Variants in CYTH3 observed in about 807,000 individuals in gnomAD.
The protein encoded by CYTH3 is cytohesin 3.
In CYTH3, 23 loss-of-function variants were observed where a neutral mutation model predicts 55.1. That is an observed-to-expected ratio of 0.42 (90% CI 0.30 to 0.59). The LOEUF is 0.59. CYTH3 is among the 20% of genes least tolerant of loss of function. The pLI is 0.20. For synonymous variants in CYTH3, 249 were observed against 194.9 expected (o/e 1.28, Z -2.31); for missense variants, 413 against 524.8 (o/e 0.79, Z 2.08).
Position 6,170,763 on chromosome 7 carries a change from G to C in CYTH3, c.711+67C>G. ...GCTTGGGAGGCGTGTCTAGAGCCGC[G>C]GGCGCTGCGGCCGCTCACAGCGAAG... On this transcript the variant is annotated intron_variant, in intron 8 of 12. Coordinates refer to ENST00000350796, the MANE Select transcript of CYTH3 (RefSeq NM_004227.4). The surrounding 1 kb of genome is among the most constrained non-coding windows in gnomAD (Gnocchi z 7.8). 6.4e-7 allele frequency: 1 copy of C among 1,570,922 alleles called. No homozygotes were observed.
chr7:6,211,544 T>C (rs948301460), intron 1 of CYTH3, among the ~76,000 whole-genome samples: 2 of 152,206 alleles, frequency 1.3e-5, no homozygotes, highest in Non-Finnish European at 2.9e-5. Context: ...CCTAGACTCT[T>C]AGGAGATTGA....
intron 1 of CYTH3, among the ~76,000 whole-genome samples, chr7:6,259,832 A>ATAT (rs59663601): frequency 2.8e-4 from 5 of 17,562 alleles, no homozygotes; most frequent in Non-Finnish European, 3.3e-4. Flanking sequence ...ATATATATAT[A>ATAT]TTTTTTTTTT....
rs762836791 is a variant in CYTH3 at position 6,165,530 on chromosome 7, G to C, written c.972+15C>G. 6.2e-7 allele frequency: 1 copy of C among 1,613,344 alleles called. No homozygotes were observed. Among genetic ancestry groups the C allele is most frequent in the Non-Finnish European group, 8.5e-7 (1 of 1,179,500 alleles). Reference sequence around the variant, plus strand: ...GGTGGCTGGCAGGAGAGAAGGTTCAGGAGGAAGAGCTTACGGGTTTCCGGG... The same window carrying C: ...GGTGGCTGGCAGGAGAGAAGGTTCACGAGGAAGAGCTTACGGGTTTCCGGG... On this transcript the variant is annotated intron_variant, in intron 11 of 12. Transcript: ENST00000350796.
At chr7:6,242,376 T>G (rs1293527162) in intron 1 of CYTH3, among the ~76,000 whole-genome samples, 1 of 55,232 alleles carries the variant, frequency 1.8e-5, no homozygotes, top group South Asian at 6.8e-4. Flanking sequence ...GCGCCTGGCA[T>G]TTTTTTTTTT....
chr7:6,268,943 A>T (rs909047541), intron 1 of CYTH3, among the ~76,000 whole-genome samples: 4 of 152,222 alleles, frequency 2.6e-5, no homozygotes, highest in African/African-American at 9.6e-5. Flanking sequence ...ATAGAGGGTA[A>T]AAGGGAGGAG....
intron 1 of CYTH3, among the ~76,000 whole-genome samples, chr7:6,194,826 T>C (rs1165207888): frequency 6.6e-6 from 1 of 151,878 alleles, no homozygotes; most frequent in African/African-American, 2.4e-5. Flanking sequence ...AATACAAAAA[T>C]TAGCTGGGTG....
intron 1 of CYTH3, among the ~76,000 whole-genome samples, chr7:6,270,155 T>G (rs560601305): frequency 6.6e-6 from 1 of 152,336 alleles, no homozygotes; most frequent in Non-Finnish European, 1.5e-5. Context: ...ACTTCAAAAC[T>G]TACAACAGCC....
chr7:6,189,987 G>C (rs905231003), intron 2 of CYTH3, among the ~76,000 whole-genome samples: 1 of 152,140 alleles, frequency 6.6e-6, no homozygotes, highest in African/African-American at 2.4e-5. Flanking sequence ...AGTGAGCCCA[G>C]ATTGTGCCAC....
chr7:6,186,510 G>A (rs570424047), intron 4 of CYTH3, among the ~76,000 whole-genome samples: 1 of 152,202 alleles, frequency 6.6e-6, no homozygotes, highest in African/African-American at 2.4e-5. Flanking sequence ...CCAACTTGAG[G>A]AAAGAGAAAG....
intron 1 of CYTH3, among the ~76,000 whole-genome samples, chr7:6,261,390 A>G (rs10267982): frequency 0.051 from 7,752 of 152,192 alleles, 449 homozygotes; most frequent in African/African-American, 0.13. Context: ...GAAGAAGGGT[A>G]AACCAGAATA....
At position 6,167,539 on chromosome 7, in the gene CYTH3, C is replaced by T. The variant is rs550134511; in HGVS notation, c.824-1729G>A. On this transcript the variant is annotated intron_variant, in intron 9 of 12. Transcript: ENST00000350796. This position sits in a 1 kb window ranked among gnomAD's most constrained non-coding sequence, Gnocchi z 5.5. ...CTGGTGCCAGCTGCCATCCCCCAAA[C>T]AGCGGCCAAAGGCATCTTTTCAAAA... is the stretch of plus-strand genomic sequence containing the variant. Among the ~76,000 whole-genome samples the T allele has an allele frequency of 2.8e-4, 43 of 152,384 alleles. 1 individual carries two copies. The highest frequency in any genetic ancestry group is 2.2e-3 in the Admixed American group (33 of 15,312).
chr7:6,272,146 T>C (rs1780679013), intron 1 of CYTH3, among the ~76,000 whole-genome samples: 1 of 151,518 alleles, frequency 6.6e-6, no homozygotes, highest in Middle Eastern at 3.4e-3. Flanking sequence ...GCGGGGAAGG[T>C]CGCCCCGCAA....
chr7:6,260,028 C>G (rs952418609), intron 1 of CYTH3, among the ~76,000 whole-genome samples: 2 of 149,468 alleles, frequency 1.3e-5, no homozygotes, highest in South Asian at 2.1e-4. Flanking sequence ...CAGGGTTTCT[C>G]CATGTGGTCA....
chr7:6,254,559 A>C (rs1583200091), intron 1 of CYTH3, among the ~76,000 whole-genome samples: 1 of 152,134 alleles, frequency 6.6e-6, no homozygotes, highest in African/African-American at 2.4e-5. Context: ...AGCTATTCTC[A>C]TGCCTCAGCC....
intron 1 of CYTH3, among the ~76,000 whole-genome samples, chr7:6,223,836 T>TAAAAAAAAA (rs58813864): frequency 4.1e-5 from 1 of 24,314 alleles, no homozygotes; most frequent in Non-Finnish European, 9.0e-5. Flanking sequence ...CAATAAATAC[T>TAAAAAAAAA]AAAAAAAAAA....
At chr7:6,186,399 C>T (rs978580021) in intron 4 of CYTH3, among the ~76,000 whole-genome samples, 1 of 152,140 alleles carries the variant, frequency 6.6e-6, no homozygotes, top group Non-Finnish European at 1.5e-5. Context: ...AAATGTCCCC[C>T]AAAAAGCTTC....
intron 1 of CYTH3, among the ~76,000 whole-genome samples, chr7:6,223,801 T>C (rs1331627210): frequency 8.9e-6 from 1 of 112,350 alleles, no homozygotes; most frequent in African/African-American, 3.6e-5. Flanking sequence ...CACATCCCCC[T>C]CTCTGAGAAA....
In CYTH3 at chr7:6,259,802, T is replaced by TATA. The variant is rs1554255132; in HGVS notation, c.34+12669_34+12671dup. ...TATATATAATATATATATATATATA[T>TATA]ATATATATATAATATATATATATAT... is the stretch of plus-strand genomic sequence containing the variant. On this transcript the variant is annotated intron_variant, in intron 1 of 12. Transcript: ENST00000350796. Among the ~76,000 whole-genome samples the TATA allele has an allele frequency of 1.7e-3, 46 of 27,726 alleles. 1 individual carries two copies. The highest frequency in any genetic ancestry group is 0.016 in the African/African-American group (44 of 2,786). The allele number at this position is 27,726 out of a possible 152,430, so 18.2% of individuals were successfully genotyped here.
chr7:6,202,498 T>C (rs1784078996), intron 1 of CYTH3, among the ~76,000 whole-genome samples: 1 of 151,108 alleles, frequency 6.6e-6, no homozygotes, highest in African/African-American at 2.4e-5. Context: ...GTTTCGCTCT[T>C]GTTGCCCAGG....
Sources: gnomAD v4.1 joint callset for allele counts (sites outside exome capture counted in the v4.1 genomes callset) on GRCh38, gnomAD v4.1.1 for gene constraint, Gnocchi (gnomAD v3.1) non-coding constraint, MANE v1.5 for transcripts, NCBI Gene and HGNC (gene_info 2026-07-23, HGNC 2026-07-21) for gene names.